The following ADARB2 variants were observed in gnomAD, a reference collection of about 807,000 sequenced individuals.
ADARB2 encodes adenosine deaminase RNA specific B2 (inactive), also known as inactive double-stranded RNA-specific editase B2.
ADARB2 carries 25 observed loss-of-function variants against 62.2 expected under a neutral mutation model. The observed-to-expected ratio is 0.40, with a 90% CI of 0.29 to 0.56. ADARB2 has a LOEUF of 0.56. ADARB2 is among the 20% of genes least tolerant of loss of function. ADARB2 has a pLI of 0.43. For synonymous variants in ADARB2, 572 were observed against 500.8 expected (o/e 1.14, Z -1.90); for missense variants, 1,071 against 1,077.4 (o/e 0.99, Z 0.08).
chr10:1,302,510 C>G (rs548980008), intron 3 of ADARB2, among the ~76,000 whole-genome samples: 1 of 150,324 alleles, frequency 6.7e-6, no homozygotes, highest in Non-Finnish European at 1.5e-5. Flanking sequence ...GAAGCTCGAA[C>G]TGGGTGGAGC....
intron 1 of ADARB2, among the ~76,000 whole-genome samples, chr10:1,474,490 A>G (rs1050234390): frequency 2.6e-5 from 4 of 152,206 alleles, no homozygotes; most frequent in African/African-American, 7.2e-5. Flanking sequence ...GATGCATCCC[A>G]GGAGGCTGGT....
At chr10:1,708,039 C>T (rs1441385326) in intron 1 of ADARB2, among the ~76,000 whole-genome samples, 2 of 152,182 alleles carry the variant, frequency 1.3e-5, no homozygotes, top group Non-Finnish European at 2.9e-5. Flanking sequence ...GACACGGTAG[C>T]TTGTGCTCAC....
rs78535121 is a variant in ADARB2, at chr10:1,515,387, A to T, written c.101-136227T>A. 1.4e-3 allele frequency among the ~76,000 whole-genome samples: 220 copies of T among 152,302 alleles called. 5 individuals carry two copies. The East Asian group carries it at 0.039, about 27-fold the overall frequency. On this transcript the variant is annotated intron_variant, in intron 1 of 9. Coordinates refer to ENST00000381312, the MANE Select transcript of ADARB2 (RefSeq NM_018702.4). ...ACAGCACGTCTGTTTCCAGGTGGGAAACCCTCTGCCTGGCTGCCGCCGTGA... is the reference window on the plus strand; with the variant it reads ...ACAGCACGTCTGTTTCCAGGTGGGATACCCTCTGCCTGGCTGCCGCCGTGA...
Position 1,346,045 on chromosome 10 carries a change from G to T in ADARB2, c.1077+16983C>A, listed in dbSNP as rs575167779. ...TTATCATCATGATCAGAAGGAAAAT[G>T]CCCTGTATTTTTTTAAAGACCCATT... On this transcript the variant is annotated intron_variant, in intron 3 of 9. Transcript: ENST00000381312. Among the ~76,000 whole-genome samples the T allele has an allele frequency of 2.0e-5, 3 of 151,962 alleles. No individual in the cohort carries two copies. The East Asian group carries it at 5.9e-4, about 30-fold the overall frequency.
chr10:1,718,326 T>C (rs1038404873), intron 1 of ADARB2, among the ~76,000 whole-genome samples: 1 of 152,220 alleles, frequency 6.6e-6, no homozygotes, highest in African/African-American at 2.4e-5. Context: ...ATCCAGAACG[T>C]GGTCCCACCC....
At chr10:1,318,061 T>A (rs1250807447) in intron 3 of ADARB2, among the ~76,000 whole-genome samples, 1 of 152,212 alleles carries the variant, frequency 6.6e-6, no homozygotes. Context: ...TGTTGGCCAC[T>A]CATAAACCTG....
intron 1 of ADARB2, among the ~76,000 whole-genome samples, chr10:1,440,356 G>A (rs947588042): frequency 5.3e-5 from 8 of 151,928 alleles, no homozygotes; most frequent in East Asian, 1.9e-4. Flanking sequence ...GGTGTGGACC[G>A]TGTCTAATAT....
At chr10:1,219,935 G>T in intron 6 of ADARB2, among the ~76,000 whole-genome samples, 1 of 146,906 alleles carries the variant, frequency 6.8e-6, no homozygotes. Context: ...TGATGGTGAT[G>T]ATGGTGGTGA....
chr10:1,667,115 T>C (rs1203805361), intron 1 of ADARB2, among the ~76,000 whole-genome samples: 2 of 152,238 alleles, frequency 1.3e-5, no homozygotes, highest in African/African-American at 4.8e-5. Flanking sequence ...TTTGCGTAAA[T>C]TGTCCCAAAT....
At chr10:1,635,221 C>A (rs898262674) in intron 1 of ADARB2, among the ~76,000 whole-genome samples, 2 of 152,090 alleles carry the variant, frequency 1.3e-5, no homozygotes, top group Non-Finnish European at 2.9e-5. Flanking sequence ...TGAGAATGAT[C>A]ACCTTCCTTC....
At chr10:1,679,339 C>T (rs917052405) in intron 1 of ADARB2, among the ~76,000 whole-genome samples, 4 of 152,106 alleles carry the variant, frequency 2.6e-5, no homozygotes, top group Admixed American at 6.6e-5. Context: ...AGATCCTGTG[C>T]CGGGCACCAC....
intron 5 of ADARB2, among the ~76,000 whole-genome samples, chr10:1,234,103 C>G (rs192483979): frequency 5.3e-5 from 8 of 151,388 alleles, no homozygotes; most frequent in Admixed American, 3.3e-4. Flanking sequence ...TCAAGTGATA[C>G]TCAGCCTCCC....
intron 8 of ADARB2, among the ~76,000 whole-genome samples, chr10:1,195,673 G>A (rs1405239949): frequency 6.6e-6 from 1 of 152,132 alleles, no homozygotes; most frequent in Non-Finnish European, 1.5e-5. Context: ...AATCCATGGA[G>A]AGGCTGATCC....
chr10:1,657,342 T>C (rs1466493900), intron 1 of ADARB2, among the ~76,000 whole-genome samples: 3 of 152,330 alleles, frequency 2.0e-5, no homozygotes, highest in South Asian at 2.1e-4. Context: ...AGATTTAGCC[T>C]AGGGAAAAGA....
intron 4 of ADARB2, among the ~76,000 whole-genome samples, chr10:1,258,275 A>G (rs1382289088): frequency 1.3e-5 from 2 of 152,228 alleles, no homozygotes; most frequent in Non-Finnish European, 2.9e-5. Flanking sequence ...ACCAGCTAAC[A>G]TCATAATGAC....
At chr10:1,715,459 T>C (rs545818108) in intron 1 of ADARB2, among the ~76,000 whole-genome samples, 7 of 151,036 alleles carry the variant, frequency 4.6e-5, no homozygotes, top group Non-Finnish European at 1.5e-5. Context: ...CAAGGTTGTT[T>C]AATATTAAAT....
intron 1 of ADARB2, among the ~76,000 whole-genome samples, chr10:1,579,767 G>A (rs1833070842): frequency 6.6e-6 from 1 of 152,186 alleles, no homozygotes; most frequent in Non-Finnish European, 1.5e-5. Flanking sequence ...CACCTCTGAG[G>A]TTACCGCTGG....
At chr10:1,529,420 G>A (rs955449060) in intron 1 of ADARB2, among the ~76,000 whole-genome samples, 2 of 152,104 alleles carry the variant, frequency 1.3e-5, no homozygotes, top group East Asian at 1.9e-4. Context: ...TAGGGAAGGC[G>A]AGGACCTGAG....
intron 5 of ADARB2, 53 bp downstream of exon 5, chr10:1,242,078 C>A (rs1830929748): frequency 1.3e-6 from 2 of 1,524,008 alleles, no homozygotes; most frequent in African/African-American, 1.4e-5. Flanking sequence ...TGCTCCCTGG[C>A]AGCCCCCAGC....
Sources: allele counts gnomAD v4.1 joint callset (sites outside exome capture counted in the v4.1 genomes callset), GRCh38; gene constraint gnomAD v4.1.1; transcripts MANE v1.5; gene names NCBI Gene and HGNC (gene_info 2026-07-23, HGNC 2026-07-21).